Variants in FHAD1 observed in about 807,000 individuals in gnomAD.
The protein encoded by FHAD1 is forkhead associated phosphopeptide binding domain 1.
A neutral mutation model predicts 191.3 loss-of-function variants in FHAD1; 146 were observed. The observed-to-expected ratio is 0.76, with a 90% CI of 0.67 to 0.88. The LOEUF (loss-of-function observed/expected upper bound fraction) is 0.88, where lower values mean the gene tolerates loss of function less well. Among genes scored for constraint, FHAD1 ranks in the 40% least tolerant of loss-of-function variants. FHAD1 has a pLI of 0.00. For missense variants in FHAD1, 1,635 were observed against 1,785.8 expected (o/e 0.92, Z 1.52); for synonymous variants, 616 against 672.3 (o/e 0.92, Z 1.29).
intron 7 of FHAD1, among the ~76,000 whole-genome samples, chr1:15,310,897 A>G (rs1161911091): frequency 6.6e-6 from 1 of 152,080 alleles, no homozygotes; most frequent in Non-Finnish European, 1.5e-5. Context: ...CACAAACCCC[A>G]TCTTCCACAG....
At chr1:15,295,967 C>T (rs370854052) in intron 4 of FHAD1, among the ~76,000 whole-genome samples, 72 of 152,346 alleles carry the variant, frequency 4.7e-4, no homozygotes, top group African/African-American at 1.5e-3. Flanking sequence ...CCTAACGTTT[C>T]GTTTACTCTT....
At chr1:15,359,495 G>T (rs149764458) in intron 21 of FHAD1, among the ~76,000 whole-genome samples, 1 of 152,188 alleles carries the variant, frequency 6.6e-6, no homozygotes, top group Non-Finnish European at 1.5e-5. Flanking sequence ...GAGGTTGTAG[G>T]CATGGGAAAG....
chr1:15,369,576 G>A, intron 26 of FHAD1, 74 bp downstream of exon 26: 1 of 1,483,724 alleles, frequency 6.7e-7, no homozygotes, highest in South Asian at 1.3e-5. Context: ...CTTTCCTTTT[G>A]AAGACACTTT....
intron 18 of FHAD1, among the ~76,000 whole-genome samples, chr1:15,346,036 G>A (rs763150707): frequency 2.4e-4 from 37 of 152,040 alleles, no homozygotes; most frequent in Non-Finnish European, 3.4e-4. Context: ...TCAGTCCTCC[G>A]CCCTCCCCTG....
chr1:15,326,909 G>C, intron 11 of FHAD1, 150 bp from the exon 12 acceptor site: 1 of 595,188 alleles, frequency 1.7e-6, no homozygotes, highest in Non-Finnish European at 3.1e-6. Flanking sequence ...GCCACTCCCC[G>C]TGAGCGGTGA....
chr1:15,337,625 A>G (rs1468070399), intron 14 of FHAD1, among the ~76,000 whole-genome samples: 1 of 152,102 alleles, frequency 6.6e-6, no homozygotes, highest in Non-Finnish European at 1.5e-5. Flanking sequence ...CCATCCCACA[A>G]TGCCTAAGAC....
At chr1:15,336,352 C>T (rs940565245) in intron 14 of FHAD1, among the ~76,000 whole-genome samples, 4 of 152,152 alleles carry the variant, frequency 2.6e-5, no homozygotes, top group Non-Finnish European at 5.9e-5. Flanking sequence ...GGAAATCCTC[C>T]GAATGGTGCA....
rs1406645455 is a variant in FHAD1 at position 15,342,206 on chromosome 1, GT to G, written c.2130+321del. Among the ~76,000 whole-genome samples the G allele has an allele frequency of 3.9e-5, 6 of 152,288 alleles. No individual in the cohort carries two copies. In the East Asian group the frequency reaches 1.2e-3, roughly 29 times the overall value. On this transcript the variant is annotated intron_variant, in intron 16 of 33. Transcript: ENST00000688493. ...GGTCCTGGTTTGTAGCTGACAGACT[GT>G]TTCTAAATGTGCGCAAGATCAACTT... is the stretch of plus-strand genomic sequence containing the variant.
chr1:15,389,447 CAA>C lies in FHAD1; in HGVS notation c.4269+1336_4269+1337del, dbSNP rs570569622. On this transcript the variant is annotated intron_variant, in intron 32 of 33. Transcript: ENST00000688493. ...TGAGCAACAGAGGAAGAACCTGTCTCAAAAAAAAAAAAAAAAAAAAACCTGCT... is the reference window on the plus strand; with the variant it reads ...TGAGCAACAGAGGAAGAACCTGTCTCAAAAAAAAAAAAAAAAAAACCTGCT... Among the ~76,000 whole-genome samples, 62 of 54,206 alleles carry C rather than the reference CAA, an allele frequency of 1.1e-3. 2 individuals are homozygous for C. The highest frequency in any genetic ancestry group is 2.8e-3 in the African/African-American group (36 of 12,910). The allele number at this position is 54,206 out of a possible 152,430, so 35.6% of individuals were successfully genotyped here.
At chr1:15,361,002 C>T (rs1343551735) in intron 22 of FHAD1, among the ~76,000 whole-genome samples, 1 of 152,188 alleles carries the variant, frequency 6.6e-6, no homozygotes, top group Non-Finnish European at 1.5e-5. Flanking sequence ...GTGGAATCAT[C>T]TTTTCCACAT....
intron 14 of FHAD1, among the ~76,000 whole-genome samples, chr1:15,338,479 T>C (rs1685170847): frequency 6.6e-6 from 1 of 152,198 alleles, no homozygotes; most frequent in Non-Finnish European, 1.5e-5. Context: ...GTGATGACAT[T>C]GGGTCCACCC....
At chr1:15,260,154 T>C (rs921118546) in intron 2 of FHAD1, among the ~76,000 whole-genome samples, 11 of 152,146 alleles carry the variant, frequency 7.2e-5, no homozygotes, top group African/African-American at 2.7e-4. Flanking sequence ...GAAGGGCGGC[T>C]CTAGAACAGG....
chr1:15,387,936 C>T (rs540617482), intron 31 of FHAD1, 115 bp from the exon 32 acceptor site: 56 of 430,224 alleles, frequency 1.3e-4, no homozygotes, highest in African/African-American at 1.1e-3. Context: ...TTCTGCCCAC[C>T]TATCTCAGTG....
intron 24 of FHAD1, 72 bp downstream of exon 24, chr1:15,366,005 C>G: frequency 4.5e-6 from 5 of 1,108,288 alleles, no homozygotes; most frequent in Non-Finnish European, 5.3e-6. Context: ...GCTAAAGAGT[C>G]GGCCGGGCGC....
intron 1 of FHAD1, among the ~76,000 whole-genome samples, chr1:15,248,489 C>G (rs1405609577): frequency 6.6e-6 from 1 of 152,088 alleles, no homozygotes; most frequent in African/African-American, 2.4e-5. Flanking sequence ...GAGTCTGTTT[C>G]CCAGCTAAGG....
intron 26 of FHAD1, among the ~76,000 whole-genome samples, chr1:15,373,760 T>A (rs554145027): frequency 6.6e-6 from 1 of 152,088 alleles, no homozygotes; most frequent in South Asian, 2.1e-4. Context: ...GCTGGAAGGA[T>A]CGCTTGAGCG....
intron 2 of FHAD1, among the ~76,000 whole-genome samples, chr1:15,267,214 C>T (rs1653917477): frequency 2.0e-5 from 3 of 152,110 alleles, no homozygotes; most frequent in Admixed American, 2.0e-4. Context: ...ATATATCTCC[C>T]CATTTTTTTT....
intron 14 of FHAD1, among the ~76,000 whole-genome samples, chr1:15,331,339 G>A (rs1421315846): frequency 6.6e-6 from 1 of 151,826 alleles, no homozygotes; most frequent in African/African-American, 2.4e-5. Flanking sequence ...GGGTTGGAGG[G>A]ATGGATGGAA....
At chr1:15,278,475 CTT>C (rs34110532) in intron 3 of FHAD1, among the ~76,000 whole-genome samples, 10 of 124,306 alleles carry the variant, frequency 8.0e-5, no homozygotes, top group Admixed American at 8.4e-5. Context: ...TTCATTACCT[CTT>C]TTTTTTTTTT....
Sources: gnomAD v4.1 joint callset for allele counts (sites outside exome capture counted in the v4.1 genomes callset) on GRCh38, gnomAD v4.1.1 for gene constraint, MANE v1.5 for transcripts, NCBI Gene and HGNC (gene_info 2026-07-23, HGNC 2026-07-21) for gene names.